The following PGR variants were observed in gnomAD, a reference collection of about 807,000 sequenced individuals.
The protein encoded by PGR is progesterone receptor.
In PGR, 25 loss-of-function variants were observed where a neutral mutation model predicts 76.1. That is an observed-to-expected ratio of 0.33 (90% confidence interval 0.24 to 0.46). The LOEUF is 0.46. PGR is among the 20% of genes least tolerant of loss of function. The probability of loss-of-function intolerance (pLI) is 1.00; values close to 1 mark genes in which losing one functional copy is unlikely to be tolerated. For missense variants in PGR, 1,172 were observed against 1,225.3 expected, an observed-to-expected ratio of 0.96 and a Z score of 0.65; for synonymous variants, 579 against 535.0, an observed-to-expected ratio of 1.08 and a Z score of -1.14.
rs1863041609 is a variant in PGR, at chr11:101,129,792, C to G, written c.-722G>C. ...CGCACAAATACAACAAGGCTTACCC[C>G]GATTAGTGACAGCTGTGGACTGGCC... On this transcript the variant is annotated 5_prime_UTR_variant, in exon 1 of 8. Coordinates refer to ENST00000325455, the MANE Select transcript of PGR (RefSeq NM_000926.4). 5.6e-6 allele frequency: 1 copy of G among 177,186 alleles called. No individual in the cohort carries two copies. Among genetic ancestry groups the G allele is most frequent in the Non-Finnish European group, 1.2e-5 (1 of 82,404 alleles). The allele number at this position is 177,186 out of a possible 1,614,324, so 11.0% of individuals were successfully genotyped here.
At chr11:101,098,357 G>A (rs369293845) in intron 2 of PGR, among the ~76,000 whole-genome samples, 10 of 152,214 alleles carry the variant, frequency 6.6e-5, no homozygotes, top group African/African-American at 2.2e-4. Flanking sequence ...ATTTTTCATG[G>A]CATTTTTGAA....
chr11:101,104,478 C>A (rs1198627442), intron 2 of PGR, among the ~76,000 whole-genome samples: 3 of 152,184 alleles, frequency 2.0e-5, no homozygotes, highest in Non-Finnish European at 4.4e-5. Flanking sequence ...AATGTTACCA[C>A]AATGACTGGT....
intron 4 of PGR, among the ~76,000 whole-genome samples, chr11:101,059,857 A>AAAG (rs1555050860): frequency 0.033 from 4,640 of 138,676 alleles, 181 homozygotes; most frequent in Non-Finnish European, 0.055. Flanking sequence ...AAAAAAAAAA[A>AAAG]AAAAGAAAAA....
Position 101,064,331 on chromosome 11 carries a change from CAAAAAAAAAAAAAAAAAAAAAAAAAA to C in PGR, c.1907-1605_1907-1580del, listed in dbSNP as rs10556132. ...AGGTGACAAGGGAGAAACTCCACCT[CAAAAAAAAAAAAAAAAAAAAAAAAAA>C]AAAAAAAAAAAAAACAGCCCCAACG... On this transcript the variant is annotated intron_variant, in intron 3 of 7. Transcript: ENST00000325455. 1.3e-3 allele frequency among the ~76,000 whole-genome samples: 52 copies of C among 39,450 alleles called. 1 individual carries two copies. Among genetic ancestry groups the C allele is most frequent in the African/African-American group, 6.3e-3 (46 of 7,248 alleles). 25.9% of individuals were successfully genotyped at this position (39,450 alleles called of 152,430 possible).
In PGR at chr11:101,038,366, T is replaced by C. The variant is rs185616271; in HGVS notation, c.*750A>G. 11 of 210,946 alleles carry C rather than the reference T, an allele frequency of 5.2e-5. No homozygotes were observed. The highest frequency in any genetic ancestry group is 1.2e-4 in the Admixed American group (2 of 16,978). 13.1% of individuals were successfully genotyped at this position (210,946 alleles called of 1,614,324 possible). A position where few individuals can be genotyped will look rare whatever the true frequency, so the allele number is the denominator to read the frequency against. On this transcript the variant is annotated 3_prime_UTR_variant, in exon 8 of 8. Transcript: ENST00000325455. ...AGTTAGGCCATAATCTTCTGATTTC[T>C]TATGTCCACTCGCAATACCTCATTA...
intron 3 of PGR, among the ~76,000 whole-genome samples, chr11:101,068,133 A>AT (rs527861695): frequency 7.9e-5 from 12 of 152,184 alleles, no homozygotes; most frequent in South Asian, 2.1e-4. Context: ...CTTTATGTGC[A>AT]TTTTTTTATG....
intron 3 of PGR, among the ~76,000 whole-genome samples, chr11:101,066,771 A>G (rs1860731494): frequency 1.3e-5 from 2 of 152,278 alleles, no homozygotes; most frequent in Middle Eastern, 3.4e-3. Context: ...TTCTCACCTC[A>G]TATCTAATAC....
intron 3 of PGR, among the ~76,000 whole-genome samples, chr11:101,079,793 G>T (rs1440772469): frequency 6.6e-6 from 1 of 152,182 alleles, no homozygotes; most frequent in East Asian, 1.9e-4. Context: ...GTATATTGAA[G>T]ATATTATCTG....
chr11:101,059,355 A>G (rs1019568860), intron 4 of PGR, among the ~76,000 whole-genome samples: 1 of 152,078 alleles, frequency 6.6e-6, no homozygotes. Flanking sequence ...GTTCCTTAAT[A>G]GAGGGAATAT....
rs1166106371 is a variant in PGR, at chr11:101,038,743, A to G, written c.*373T>C. ...AGGGAGTTACCTAGAAATAACATAT[A>G]ATAGCTTTGTGTTATTACATGTAAG... On this transcript the variant is annotated 3_prime_UTR_variant, in exon 8 of 8. Transcript: ENST00000325455. 4.1e-6 allele frequency: 1 copy of G among 241,976 alleles called. No individual in the cohort carries two copies. The highest frequency in any genetic ancestry group is 2.2e-5 in the African/African-American group (1 of 45,304). The allele number at this position is 241,976 out of a possible 1,614,324, so 15.0% of individuals were successfully genotyped here.
intron 2 of PGR, among the ~76,000 whole-genome samples, chr11:101,102,181 G>A (rs560291): frequency 1.3e-5 from 2 of 152,000 alleles, no homozygotes; most frequent in Non-Finnish European, 2.9e-5. Flanking sequence ...ATTCCTGACT[G>A]GATCCTGAAT....
rs1361085772 is a variant in PGR, at chr11:101,128,587, A to G, written c.484T>C (p.Ser162Pro). Residue 162 changes from serine to proline, a missense_variant, in exon 1 of 8, where the codon TCC (serine) becomes CCC (proline). Transcript: ENST00000325455. ...PAAPATQRVLSPLMSRSGCKV... is the reference protein window; with the variant it reads ...PAAPATQRVLPPLMSRSGCKV... ...CACCCGGACCGGCTCATGAGCGGGG[A>G]CAACACCCGCTGGGTGGCGGGGGCA... is the stretch of plus-strand genomic sequence containing the variant. The G allele has an allele frequency of 1.3e-6, 2 of 1,595,050 alleles. No homozygotes were observed. Among genetic ancestry groups the G allele is most frequent in the Admixed American group, 1.7e-5 (1 of 57,860 alleles).
chr11:101,090,013 A>G lies in PGR; in HGVS notation c.1906+1747T>C, dbSNP rs560012819. Reference sequence around the variant, plus strand: ...CAGGAGTTCAAAACCAGCCTGGCCAACATGGTGAAACCCCATCTCTACTAA... The same window carrying G: ...CAGGAGTTCAAAACCAGCCTGGCCAGCATGGTGAAACCCCATCTCTACTAA... On this transcript the variant is annotated intron_variant, in intron 3 of 7. Transcript: ENST00000325455. Among the ~76,000 whole-genome samples the G allele has an allele frequency of 2.0e-5, 3 of 152,330 alleles. No individual in the cohort carries two copies. The East Asian group carries it at 5.8e-4, about 29-fold the overall frequency.
intron 6 of PGR, 148 bp downstream of exon 6, chr11:101,049,781 G>A (rs1860025884): frequency 1.6e-6 from 1 of 608,868 alleles, no homozygotes; most frequent in Admixed American, 3.0e-5. Flanking sequence ...TTTTATTAAT[G>A]TCTATAACAA....
Position 101,035,386 on chromosome 11 carries a change from C to A in PGR, c.*3730G>T, listed in dbSNP as rs553885801. ...AGAGAAACTGCTCAGGTATTCACAG[C>A]AAAAACTAAAAATGTAATAGCCATC... On this transcript the variant is annotated 3_prime_UTR_variant, in exon 8 of 8. Coordinates refer to ENST00000325455, the MANE Select transcript of PGR (RefSeq NM_000926.4). The A allele has an allele frequency of 1.0e-4, 24 of 230,984 alleles. No homozygotes were observed. In the East Asian group the frequency reaches 1.4e-3, roughly 13 times the overall value. 14.3% of individuals were successfully genotyped at this position (230,984 alleles called of 1,614,324 possible).
intron 6 of PGR, among the ~76,000 whole-genome samples, chr11:101,047,792 C>CT (rs1411718373): frequency 1.3e-5 from 2 of 151,974 alleles, no homozygotes; most frequent in Non-Finnish European, 2.9e-5. Context: ...GCTGCTTTTT[C>CT]TTTTTTTTAA....
intron 3 of PGR, among the ~76,000 whole-genome samples, chr11:101,074,168 C>T (rs138558790): frequency 6.6e-6 from 1 of 152,242 alleles, no homozygotes; most frequent in African/African-American, 2.4e-5. Flanking sequence ...AAGCCTGGAT[C>T]AACATACGCA....
chr11:101,119,029 C>A (rs1862594107), intron 2 of PGR, among the ~76,000 whole-genome samples: 2 of 152,148 alleles, frequency 1.3e-5, no homozygotes, highest in Admixed American at 6.5e-5. Flanking sequence ...TACCACAGAT[C>A]ATCAGGTATT....
At chr11:101,089,368 C>T (rs1478817492) in intron 3 of PGR, among the ~76,000 whole-genome samples, 1 of 151,960 alleles carries the variant, frequency 6.6e-6, no homozygotes, top group Non-Finnish European at 1.5e-5. Context: ...ATATCAAATC[C>T]ATTATTTCAG....
Sources: allele counts gnomAD v4.1 joint callset (sites outside exome capture counted in the v4.1 genomes callset), GRCh38; gene constraint gnomAD v4.1.1; transcripts MANE v1.5; gene names NCBI Gene and HGNC (gene_info 2026-07-23, HGNC 2026-07-21).